Variants in JAZF1 observed in about 807,000 individuals in gnomAD.
JAZF1 encodes the protein JAZF zinc finger 1.
In JAZF1, 8 loss-of-function variants were observed where a neutral mutation model predicts 26.4. The ratio of observed to expected loss-of-function variants is 0.30; its 90% confidence interval spans 0.18 to 0.55. The LOEUF is 0.55. Ranked by LOEUF, JAZF1 falls within the 20% of genes least tolerant of loss-of-function variation. JAZF1 has a pLI of 0.94. For missense variants in JAZF1, 199 were observed against 322.0 expected (o/e 0.62, Z 2.92); for synonymous variants, 126 against 122.3 (o/e 1.03, Z -0.20).
At position 28,128,071 on chromosome 7, in the gene JAZF1, T is replaced by A. The variant is rs78827037; in HGVS notation, c.115+52392A>T. Among the ~76,000 whole-genome samples, 722 of 152,204 alleles carry A rather than the reference T, an allele frequency of 4.7e-3. 9 individuals carry two copies. The highest frequency in any genetic ancestry group is 0.039 in the East Asian group (203 of 5,172). On this transcript the variant is annotated intron_variant, in intron 1 of 4. Transcript: ENST00000283928. ...AAAGAGATATCCTCTCTTAGTAGCA[T>A]CTACTCAGAGTTCCAGGAGGCCATA...
chr7:27,921,024 T>C (rs1784520680), intron 2 of JAZF1, among the ~76,000 whole-genome samples: 1 of 152,356 alleles, frequency 6.6e-6, no homozygotes, highest in Non-Finnish European at 1.5e-5. Flanking sequence ...TTTCTATTTA[T>C]GTGTGTAAGC....
chr7:28,178,931 G>A (rs967518934), intron 1 of JAZF1, among the ~76,000 whole-genome samples: 1 of 152,122 alleles, frequency 6.6e-6, no homozygotes, highest in African/African-American at 2.4e-5. Context: ...CTCCTATTCC[G>A]GATGGCCCAT....
At chr7:28,078,222 G>T (rs559826749) in intron 1 of JAZF1, among the ~76,000 whole-genome samples, 3 of 152,278 alleles carry the variant, frequency 2.0e-5, no homozygotes, top group African/African-American at 7.2e-5. Context: ...TGGTATAGTG[G>T]CAAGAGACTT....
At chr7:28,139,777 C>T (rs849139) in intron 1 of JAZF1, among the ~76,000 whole-genome samples, 100,911 of 152,102 alleles carry the variant, frequency 0.66, 34,081 homozygotes, top group African/African-American at 0.79. Context: ...CATTTAATCA[C>T]ATTTACTGAG....
At chr7:27,984,503 G>A (rs995644832) in intron 2 of JAZF1, among the ~76,000 whole-genome samples, 7 of 152,172 alleles carry the variant, frequency 4.6e-5, no homozygotes, top group East Asian at 1.9e-4. Flanking sequence ...CAATAATAAC[G>A]GGAGACTTTA....
At chr7:28,156,093 A>G (rs1783180894) in intron 1 of JAZF1, among the ~76,000 whole-genome samples, 1 of 152,250 alleles carries the variant, frequency 6.6e-6, no homozygotes, top group Non-Finnish European at 1.5e-5. Flanking sequence ...TCTGGCTGCC[A>G]AGAGTTATGC....
chr7:27,903,613 G>A (rs544917741), intron 2 of JAZF1, among the ~76,000 whole-genome samples: 15 of 152,292 alleles, frequency 9.8e-5, no homozygotes, highest in African/African-American at 3.4e-4. Flanking sequence ...TAGACAACAC[G>A]CTGGGGCCCA....
At chr7:28,036,967 T>G (rs1488086813) in intron 1 of JAZF1, among the ~76,000 whole-genome samples, 2 of 152,172 alleles carry the variant, frequency 1.3e-5, no homozygotes, top group Non-Finnish European at 2.9e-5. Context: ...GGCTCACTAA[T>G]GGGCACAGTT....
chr7:28,117,846 AT>A (rs1304066248), intron 1 of JAZF1, among the ~76,000 whole-genome samples: 1 of 152,222 alleles, frequency 6.6e-6, no homozygotes, highest in Admixed American at 6.5e-5. Context: ...ACAAACTGCC[AT>A]TTAGAAGTTT....
intron 3 of JAZF1, among the ~76,000 whole-genome samples, chr7:27,884,364 G>A (rs575880731): frequency 5.9e-5 from 9 of 152,280 alleles, no homozygotes; most frequent in African/African-American, 1.4e-4. Flanking sequence ...TCCTGGGCTC[G>A]ACTAATTCTC....
chr7:27,878,800 A>G (rs1406845438), intron 3 of JAZF1, among the ~76,000 whole-genome samples: 1 of 152,162 alleles, frequency 6.6e-6, no homozygotes, highest in African/African-American at 2.4e-5. Flanking sequence ...TTTGACTATC[A>G]TTTTAAAAGA....
chr7:27,836,313 TGGG>T, intron 4 of JAZF1, among the ~76,000 whole-genome samples: 1 of 151,548 alleles, frequency 6.6e-6, no homozygotes, highest in East Asian at 1.9e-4. Context: ...AGAACTTAGG[TGGG>T]GGGGGTTCCA....
In JAZF1 at chr7:27,856,203, G is replaced by A. The variant is rs770969306; in HGVS notation, c.386-15336C>T. Among the ~76,000 whole-genome samples the A allele has an allele frequency of 3.9e-5, 6 of 152,138 alleles. No homozygotes were observed. The South Asian group carries it at 8.3e-4, about 21-fold the overall frequency. ...AGAGTTTCTTCCTTCTGGGGGGTTC[G>A]TGGTCTCGCTGGCTCAGGAGTGAAG... On this transcript the variant is annotated intron_variant, in intron 3 of 4. Coordinates refer to ENST00000283928, the MANE Select transcript of JAZF1 (RefSeq NM_175061.4).
At chr7:28,180,135 GCCCCGCCGCCGCAA>G (rs530185101) in intron 1 of JAZF1, among the ~76,000 whole-genome samples, 4,107 of 139,516 alleles carry the variant, frequency 0.029, 212 homozygotes, top group African/African-American at 0.099. Context: ...CCGGCACTCG[GCCCCGCCGCCGCAA>G]CCCCGCCGCC....
intron 2 of JAZF1, among the ~76,000 whole-genome samples, chr7:27,977,290 AGAC>A (rs1356744976): frequency 6.6e-6 from 1 of 152,212 alleles, no homozygotes; most frequent in Non-Finnish European, 1.5e-5. Context: ...GTATAGGTCT[AGAC>A]TTATACTTTA....
intron 2 of JAZF1, among the ~76,000 whole-genome samples, chr7:27,930,324 T>A (rs1457686565): frequency 6.6e-6 from 1 of 152,172 alleles, no homozygotes; most frequent in African/African-American, 2.4e-5. Context: ...AATGAACATA[T>A]ATTACTTTTT....
intron 2 of JAZF1, among the ~76,000 whole-genome samples, chr7:27,964,796 GGTAAC>G (rs1199191502): frequency 6.6e-6 from 1 of 151,728 alleles, no homozygotes; most frequent in Admixed American, 6.6e-5. Flanking sequence ...TGCCAACAAT[GGTAAC>G]TCATGAATCT....
intron 1 of JAZF1, among the ~76,000 whole-genome samples, chr7:27,999,063 C>T (rs149145314): frequency 1.5e-4 from 23 of 152,266 alleles, no homozygotes; most frequent in South Asian, 4.2e-4. Context: ...CCCAAGCTCT[C>T]GCCTTGTTAC....
intron 4 of JAZF1, among the ~76,000 whole-genome samples, chr7:27,833,554 T>C (rs752945159): frequency 6.6e-6 from 1 of 152,218 alleles, no homozygotes; most frequent in Non-Finnish European, 1.5e-5. Context: ...TGGGAGCTAC[T>C]TGTTGCCCAA....
Sources: gnomAD v4.1 joint callset for allele counts (sites outside exome capture counted in the v4.1 genomes callset) on GRCh38, gnomAD v4.1.1 for gene constraint, MANE v1.5 for transcripts, NCBI Gene and HGNC (gene_info 2026-07-23, HGNC 2026-07-21) for gene names.